CIC: variants seen among roughly 807,000 people sequenced by gnomAD.
CIC encodes the protein protein capicua homolog.
In CIC, 18 loss-of-function variants were observed where a neutral mutation model predicts 115.7. That is an observed-to-expected ratio of 0.16 (90% CI 0.11 to 0.23). The LOEUF is 0.23. Among genes scored for constraint, CIC ranks in the 10% least tolerant of loss-of-function variants. The pLI is 1.00. For synonymous variants in CIC, 1,076 were observed against 923.0 expected (o/e 1.17, Z -3.01); for missense variants, 2,000 against 2,159.3 (o/e 0.93, Z 1.46).
upstream of CIC, among the ~76,000 whole-genome samples, chr19:42,268,978 C>G (rs192555418): frequency 2.0e-5 from 3 of 152,328 alleles, no homozygotes; most frequent in South Asian, 2.1e-4. Context: ...CAATTGGACA[C>G]GACTGGTGTC....
chr19:42,270,126 G>GA lies in CIC; in HGVS notation c.-11+751dup, dbSNP rs921310974. On this transcript the variant is annotated intron_variant, in intron 1 of 20. Coordinates refer to ENST00000681038, the MANE Select transcript of CIC (RefSeq NM_001386298.1). The surrounding 1 kb of genome is among the most constrained non-coding windows in gnomAD (Gnocchi z 4.1). ...TGGGGTATGCAAAGGTTTGTGCTTG[G>GA]AAAAAACTGGAGCCAGATCTCAGTC... 6.6e-5 allele frequency among the ~76,000 whole-genome samples: 10 copies of GA among 152,146 alleles called. No homozygotes were observed. The highest frequency in any genetic ancestry group is 1.3e-4 in the Non-Finnish European group (9 of 68,004).
intron 19 of CIC, 149 bp from the exon 20 acceptor site, chr19:42,294,455 C>A: frequency 6.5e-7 from 1 of 1,536,940 alleles, no homozygotes; most frequent in Non-Finnish European, 8.8e-7. Flanking sequence ...GTCTGGCAGG[C>A]CCCTAGGTTG....
At position 42,280,561 on chromosome 19, in the gene CIC, C is replaced by T. The variant is rs1568492947; in HGVS notation, c.2794+5984C>T. Among the ~76,000 whole-genome samples, 2 of 152,340 alleles carry T rather than the reference C, an allele frequency of 1.3e-5. No individual in the cohort carries two copies. The highest frequency in any genetic ancestry group is 1.9e-4 in the East Asian group (1 of 5,180). On this transcript the variant is annotated intron_variant, in intron 2 of 20. Transcript: ENST00000681038. This position sits in a 1 kb window ranked among gnomAD's most constrained non-coding sequence, Gnocchi z 4.9. ...CGCCCCTGAGCGATTAACCCCTGCG[C>T]TGCCGCGTCCTCGGGCTGGGTGGGG...
In CIC at chr19:42,286,913, G is replaced by T; in HGVS notation, c.2937G>T (p.Gln979His). 6.2e-7 allele frequency: 1 copy of T among 1,611,084 alleles called. No individual in the cohort carries two copies. The change falls in exon 3 of 21, where the codon CAG (glutamine) becomes CAT (histidine). Residue 979 changes from glutamine (Q) to histidine (H), a missense_variant. Gln to His is a conservative substitution (Grantham distance 24). Transcript: ENST00000681038. ...QPASHPVASN[Q>H]SKEPAESAAV... ...CCAGCCACCCAGTGGCCTCCAACCAGAGCAAAGGTGAGGGCTGGTGGGGAC... is the reference window on the plus strand; with the variant it reads ...CCAGCCACCCAGTGGCCTCCAACCATAGCAAAGGTGAGGGCTGGTGGGGAC...
chr19:42,293,302 G>T (rs750155108), intron 16 of CIC, 21 bp downstream of exon 16: 14 of 1,551,020 alleles, frequency 9.0e-6, no homozygotes, highest in Non-Finnish European at 1.2e-5. Context: ...GCAGGCCGTG[G>T]GGCTCCCACT....
intron 18 of CIC, 41 bp from the exon 19 acceptor site, chr19:42,294,132 G>C (rs778083788): frequency 1.2e-6 from 2 of 1,613,844 alleles, no homozygotes; most frequent in South Asian, 2.2e-5. Context: ...GTGGAGGGCA[G>C]ACTGGGGCCA....
chr19:42,269,013 C>T (rs928460072), upstream of CIC, among the ~76,000 whole-genome samples: 2 of 152,154 alleles, frequency 1.3e-5, no homozygotes, highest in Non-Finnish European at 2.9e-5. Context: ...GGGTAGGGCC[C>T]TAGGCAGATC....
rs1343156425 is a variant in CIC at position 42,291,975 on chromosome 19, C to T, written c.5614-111C>T. The T allele has an allele frequency of 3.9e-6, 6 of 1,521,194 alleles. No homozygotes were observed. In the East Asian group the frequency reaches 6.7e-5, roughly 17 times the overall value. 94.2% of individuals were successfully genotyped at this position (1,521,194 alleles called of 1,614,324 possible). A position where few individuals can be genotyped will look rare whatever the true frequency, so the allele number is the denominator to read the frequency against. On this transcript the variant is annotated intron_variant, in intron 12 of 20. Coordinates refer to ENST00000681038, the MANE Select transcript of CIC (RefSeq NM_001386298.1). Reference sequence around the variant, plus strand: ...CATCTTGCCCATCCTGTTCTCACCCCAAGTTCTGTGTTCCTTGCTTTTGCT... The same window carrying T: ...CATCTTGCCCATCCTGTTCTCACCCTAAGTTCTGTGTTCCTTGCTTTTGCT...
At position 42,292,463 on chromosome 19, in the gene CIC, T is replaced by G. The variant is rs752332627; in HGVS notation, c.5899T>G (p.Ser1967Ala). ...CCCCGCCTTCGTGCAGCCCCTGCTC[T>G]CAGGTGAGGGGCGGCCTGGCAGGCA... ...SGPAFVQPLL[S>A]AGQAPLLAPG... The change falls in exon 14 of 21, where the codon TCA becomes GCA. Residue 1967 changes from serine (S) to alanine (A), a missense_variant. Physicochemically the swap from Ser to Ala is moderately conservative, Grantham distance 99. Coordinates refer to ENST00000681038, the MANE Select transcript of CIC (RefSeq NM_001386298.1). 1 of 1,611,224 alleles carries G rather than the reference T, an allele frequency of 6.2e-7. No homozygotes were observed. Among genetic ancestry groups the G allele is most frequent in the South Asian group, 1.1e-5 (1 of 91,010 alleles).
rs960407579 is a variant in CIC at position 42,292,202 on chromosome 19, C to T, written c.5730C>T (p.Ser1910=). ...CTCAGAAGGTCCTGTTGCCCTCCTCCACCAGGTAATTGCAGCTGAGCCCAT... is the reference window on the plus strand; with the variant it reads ...CTCAGAAGGTCCTGTTGCCCTCCTCTACCAGGTAATTGCAGCTGAGCCCAT... ...SQPQKVLLPS[S]TRITYVQSAG... The change falls in exon 13 of 21, where the codon TCC becomes TCT. Residue 1910 remains serine (S), a synonymous_variant. Coordinates refer to ENST00000681038, the MANE Select transcript of CIC (RefSeq NM_001386298.1). The T allele has an allele frequency of 3.1e-6, 5 of 1,613,916 alleles. No individual in the cohort carries two copies. Among genetic ancestry groups the T allele is most frequent in the South Asian group, 1.1e-5 (1 of 91,094 alleles).
Position 42,291,635 on chromosome 19 carries a change from C to T in CIC, c.5503C>T (p.Leu1835=), listed in dbSNP as rs774760064. ...GCTGCCTGGGAAGGTCCTAGTGCCT[C>T]TGGCCGCCCCTAGCATGTCAGTGCG... ...QLLPGKVLVP[L]AAPSMSVRGG... The change falls in exon 12 of 21, where the codon CTG becomes TTG. Residue 1835 remains leucine (L), a synonymous_variant. Transcript: ENST00000681038. 15 of 1,612,882 alleles carry T rather than the reference C, an allele frequency of 9.3e-6. No homozygotes were observed. The East Asian group carries it at 1.8e-4, about 19-fold the overall frequency.
intron 7 of CIC, 27 bp from the exon 8 acceptor site, chr19:42,288,861 G>A (rs376498332): frequency 1.6e-4 from 259 of 1,608,036 alleles, no homozygotes; most frequent in South Asian, 3.5e-4. Flanking sequence ...CTTACTGACT[G>A]TCATAGCGCC....
In CIC at chr19:42,287,947, G is replaced by A. The variant is rs769787910; in HGVS notation, c.3630G>A (p.Ser1210=). ...GHKETRERSM[S]ETGTAAAPGV... is the part of the protein sequence containing the mutation. ...AGGAGACGCGGGAGCGGAGCATGTCGGAGACGGGCACTGCTGCTGCCCCTG... is the reference window on the plus strand; with the variant it reads ...AGGAGACGCGGGAGCGGAGCATGTCAGAGACGGGCACTGCTGCTGCCCCTG... Residue 1210 remains serine, a synonymous_variant, in exon 7 of 21, where the codon TCG becomes TCA. Transcript: ENST00000681038. This position sits in a 1 kb window ranked among gnomAD's most constrained non-coding sequence, Gnocchi z 8.7. 13 of 1,601,972 alleles carry A rather than the reference G, an allele frequency of 8.1e-6. No individual in the cohort carries two copies. The highest frequency in any genetic ancestry group is 1.1e-5 in the South Asian group (1 of 89,088).
chr19:42,285,761 C>G (rs994880096), intron 2 of CIC, among the ~76,000 whole-genome samples: 1 of 152,230 alleles, frequency 6.6e-6, no homozygotes, highest in Non-Finnish European at 1.5e-5. Flanking sequence ...GGGAAGCCCA[C>G]TGGTATCCTA....
rs745648595 is a variant in CIC at position 42,295,005 on chromosome 19, T to C, written c.7368T>C (p.Pro2456=). ...VPPPTGTAAA[P]APTPSPAGGP... ...CCCCCACTGGCACCGCTGCTGCCCC[T>C]GCCCCCACTCCCAGCCCCGCAGGGG... Residue 2456 remains proline (P), a synonymous_variant, in exon 21 of 21, where the codon CCT becomes CCC. Coordinates refer to ENST00000681038, the MANE Select transcript of CIC (RefSeq NM_001386298.1). 8.4e-6 allele frequency: 13 copies of C among 1,541,984 alleles called. No homozygotes were observed. In the South Asian group the frequency reaches 1.5e-4, roughly 17 times the overall value.
At chr19:42,275,708 C>T (rs1423676859) in intron 2 of CIC, among the ~76,000 whole-genome samples, 1 of 152,130 alleles carries the variant, frequency 6.6e-6, no homozygotes, top group East Asian at 1.9e-4. Context: ...GAGATGGGGT[C>T]TTGCTGTATT....
In CIC at chr19:42,295,422, T is replaced by C. The variant is rs1210651937; in HGVS notation, c.*231T>C. 5 of 538,714 alleles carry C rather than the reference T, an allele frequency of 9.3e-6. No homozygotes were observed. In the East Asian group the frequency reaches 1.6e-4, roughly 17 times the overall value. 33.4% of individuals were successfully genotyped at this position (538,714 alleles called of 1,614,324 possible). A position where few individuals can be genotyped will look rare whatever the true frequency, so the allele number is the denominator to read the frequency against. ...TCTCCCTCCTCCAAGCCCCTGTACA[T>C]AACCTGGAGCGTGTGACCTTCAGAG... is the stretch of plus-strand genomic sequence containing the variant. On this transcript the variant is annotated 3_prime_UTR_variant, in exon 21 of 21. Coordinates refer to ENST00000681038, the MANE Select transcript of CIC (RefSeq NM_001386298.1).
intron 2 of CIC, among the ~76,000 whole-genome samples, chr19:42,278,357 T>A (rs970199961): frequency 2.6e-5 from 4 of 152,244 alleles, no homozygotes; most frequent in African/African-American, 9.6e-5. Context: ...CTCCTTCTCC[T>A]GGGCCTCTGT....
In CIC at chr19:42,280,921, A is replaced by C. The variant is rs895604784; in HGVS notation, c.2795-5850A>C. ...CAAACCCACGTCTCTCAACCCCCCC[A>C]CCCCCGCATCCCACCCATCTCCCAA... On this transcript the variant is annotated intron_variant, in intron 2 of 20. Transcript: ENST00000681038. The surrounding 1 kb of genome is among the most constrained non-coding windows in gnomAD (Gnocchi z 4.9). 3.6e-3 allele frequency among the ~76,000 whole-genome samples: 109 copies of C among 29,984 alleles called. No homozygotes were observed. Among genetic ancestry groups the C allele is most frequent in the Middle Eastern group, 0.013 (1 of 76 alleles). The allele number at this position is 29,984 out of a possible 152,430, so 19.7% of individuals were successfully genotyped here. A position where few individuals can be genotyped will look rare whatever the true frequency, so the allele number is the denominator to read the frequency against.
Sources: allele counts gnomAD v4.1 joint callset (sites outside exome capture counted in the v4.1 genomes callset), GRCh38; gene constraint gnomAD v4.1.1; non-coding constraint Gnocchi (gnomAD v3.1); transcripts MANE v1.5; gene names NCBI Gene and HGNC (gene_info 2026-07-23, HGNC 2026-07-21).